Variants in EML5 observed in about 807,000 individuals in gnomAD.
EML5 encodes the protein echinoderm microtubule-associated protein-like 5.
EML5 carries 120 observed loss-of-function variants against 250.0 expected under a neutral mutation model. That is an observed-to-expected ratio of 0.48 (90% CI 0.41 to 0.56). The LOEUF is 0.56. EML5 is among the 20% of genes least tolerant of loss of function. The pLI is 0.00. For missense variants in EML5, 2,006 were observed against 2,437.6 expected (o/e 0.82, Z 3.73); for synonymous variants, 771 against 806.5 (o/e 0.96, Z 0.75).
chr14:88,730,968 A>G (rs1444835914), intron 7 of EML5, among the ~76,000 whole-genome samples: 1 of 152,146 alleles, frequency 6.6e-6, no homozygotes, highest in Non-Finnish European at 1.5e-5. Flanking sequence ...TTTTTTAACC[A>G]ATAGCATTAA....
intron 33 of EML5, among the ~76,000 whole-genome samples, chr14:88,628,176 C>T (rs1034093795): frequency 2.0e-5 from 3 of 152,028 alleles, no homozygotes; most frequent in Admixed American, 2.0e-4. Context: ...GAGAACTATA[C>T]AAATATTAAA....
intron 28 of EML5, among the ~76,000 whole-genome samples, chr14:88,649,570 AG>A (rs998727303): frequency 1.3e-5 from 2 of 152,344 alleles, no homozygotes; most frequent in African/African-American, 4.8e-5. Flanking sequence ...TCATGTTAAC[AG>A]GTTTAAAATT....
intron 33 of EML5, among the ~76,000 whole-genome samples, chr14:88,630,415 G>T (rs1329874647): frequency 6.6e-6 from 1 of 152,140 alleles, no homozygotes; most frequent in Non-Finnish European, 1.5e-5. Flanking sequence ...TCTGTAGTGA[G>T]TAACTCCTTA....
chr14:88,694,455 G>T (rs1184009856), intron 16 of EML5, 48 bp from the exon 17 acceptor site: 3 of 1,289,360 alleles, frequency 2.3e-6, no homozygotes, highest in Non-Finnish European at 3.2e-6. Context: ...CATCATTCCT[G>T]TATTAATCTC....
intron 21 of EML5, among the ~76,000 whole-genome samples, chr14:88,675,421 C>G (rs1422854814): frequency 6.6e-6 from 1 of 152,234 alleles, no homozygotes; most frequent in African/African-American, 2.4e-5. Context: ...TGATCTGAAG[C>G]AACAGTCCAA....
intron 25 of EML5, among the ~76,000 whole-genome samples, chr14:88,660,875 GAA>G (rs1182669856): frequency 6.6e-6 from 1 of 151,858 alleles, no homozygotes; most frequent in African/African-American, 2.4e-5. Context: ...TACGAAAGCA[GAA>G]AAAAAGAATT....
chr14:88,757,798 C>T (rs1378717978), intron 1 of EML5, among the ~76,000 whole-genome samples: 1 of 151,238 alleles, frequency 6.6e-6, no homozygotes, highest in African/African-American at 2.4e-5. Flanking sequence ...TTCTTTCCCT[C>T]TTTCCTTCCT....
chr14:88,640,527 C>A (rs1426094702), intron 31 of EML5, among the ~76,000 whole-genome samples: 1 of 151,874 alleles, frequency 6.6e-6, no homozygotes, highest in African/African-American at 2.4e-5. Flanking sequence ...CACAACATAC[C>A]AAAATCTTTG....
At chr14:88,744,622 T>C (rs2093978417) in intron 3 of EML5, among the ~76,000 whole-genome samples, 1 of 151,976 alleles carries the variant, frequency 6.6e-6, no homozygotes, top group African/African-American at 2.4e-5. Context: ...TTTTCTAAAA[T>C]TCCATAAATT....
chr14:88,770,931 T>C (rs759503475), intron 1 of EML5, among the ~76,000 whole-genome samples: 1 of 152,222 alleles, frequency 6.6e-6, no homozygotes, highest in Non-Finnish European at 1.5e-5. Context: ...TTAATATTGC[T>C]GAGTAATGGA....
rs373049178 is a variant in EML5, at chr14:88,733,147, C to T, written c.1049+3217G>A. 9.1e-4 allele frequency among the ~76,000 whole-genome samples: 138 copies of T among 152,350 alleles called. 2 individuals carry two copies. The South Asian group carries it at 0.027, about 30-fold the overall frequency. On this transcript the variant is annotated intron_variant, in intron 7 of 43. Transcript: ENST00000554922. ...ACAAGAAGTGAGGTCTCCACTGCCA[C>T]ACAAATCTGCAGCAGATATTTTTTG... is the stretch of plus-strand genomic sequence containing the variant.
At chr14:88,671,396 C>T (rs1324790130) in intron 21 of EML5, among the ~76,000 whole-genome samples, 8 of 152,106 alleles carry the variant, frequency 5.3e-5, no homozygotes, top group Admixed American at 3.9e-4. Context: ...CAAGAGCTCC[C>T]GAAGGAAGCA....
At chr14:88,687,803 C>T (rs78936643) in intron 18 of EML5, among the ~76,000 whole-genome samples, 2,846 of 152,074 alleles carry the variant, frequency 0.019, 100 homozygotes, top group African/African-American at 0.065. Flanking sequence ...ACCTGGCTGG[C>T]ACCATGGCTC....
At chr14:88,755,559 G>A (rs148752912) in intron 1 of EML5, among the ~76,000 whole-genome samples, 54 of 152,182 alleles carry the variant, frequency 3.5e-4, no homozygotes, top group African/African-American at 1.1e-3. Context: ...AGCAGAAGGC[G>A]GGGAAAATAT....
chr14:88,704,918 T>C lies in EML5; in HGVS notation c.1993A>G (p.Thr665Ala). 2 of 1,613,272 alleles carry C rather than the reference T, an allele frequency of 1.2e-6. No homozygotes were observed. The highest frequency in any genetic ancestry group is 1.7e-6 in the Non-Finnish European group (2 of 1,179,530). Residue 665 changes from threonine to alanine, a missense_variant, in exon 13 of 44, where the codon ACT (threonine) becomes GCT (alanine). This residue lies in a region of EML5 where 1,375 missense variants were observed against 1,590.3 expected (regional missense o/e 0.86). Coordinates refer to ENST00000554922, the MANE Select transcript of EML5 (RefSeq NM_183387.3). Reference sequence around the variant, plus strand: ...GGAGCCCGCTCTCTTCTTTTAGAAGTAGCACTTTTTTGTTTCTCTTTGCAC... The same window carrying C: ...GGAGCCCGCTCTCTTCTTTTAGAAGCAGCACTTTTTTGTTTCTCTTTGCAC... ...EQCKEKQKSA[T>A]SKRRERAPGN... is the part of the protein sequence containing the mutation.
rs549255203 is a variant in EML5 at position 88,652,973 on chromosome 14, C to A, written c.4005-3047G>T. Among the ~76,000 whole-genome samples the A allele has an allele frequency of 3.4e-3, 520 of 152,202 alleles. 12 individuals carry two copies. The highest frequency in any genetic ancestry group is 2.0e-3 in the Non-Finnish European group (134 of 68,018). ...ATTTGTTTGTGTCCTCTCCTATTTC[C>A]TTGAGCAGTGGTTTGTACCTCTCTT... On this transcript the variant is annotated intron_variant, in intron 27 of 43. Coordinates refer to ENST00000554922, the MANE Select transcript of EML5 (RefSeq NM_183387.3).
chr14:88,756,314 A>G lies in EML5; in HGVS notation c.198-1643T>C, dbSNP rs1221568068. Among the ~76,000 whole-genome samples, 4 of 152,356 alleles carry G rather than the reference A, an allele frequency of 2.6e-5. No individual in the cohort carries two copies. The South Asian group carries it at 8.3e-4, about 32-fold the overall frequency. On this transcript the variant is annotated intron_variant, in intron 1 of 43. Transcript: ENST00000554922. ...TTATTTGACAAAACCCAATCCCTTC[A>G]TGATAAAAACACATAAACTAGAAAC...
At chr14:88,689,687 T>C (rs1461441065) in intron 17 of EML5, among the ~76,000 whole-genome samples, 12 of 152,072 alleles carry the variant, frequency 7.9e-5, no homozygotes, top group Admixed American at 2.6e-4. Context: ...TGAGCCATGA[T>C]TGTGCCAGTA....
intron 30 of EML5, among the ~76,000 whole-genome samples, chr14:88,643,304 A>T (rs987194356): frequency 1.4e-4 from 22 of 152,228 alleles, no homozygotes; most frequent in Admixed American, 1.1e-3. Context: ...TTAAGATTTC[A>T]CATGTAAACA....
Sources: gnomAD v4.1 joint callset for allele counts (sites outside exome capture counted in the v4.1 genomes callset) on GRCh38, gnomAD v4.1.1 for gene constraint, gnomAD v4.1.1 regional missense constraint, MANE v1.5 for transcripts, NCBI Gene and HGNC (gene_info 2026-07-23, HGNC 2026-07-21) for gene names.